The following DRD4 variants were observed in gnomAD, a reference collection of about 807,000 sequenced individuals.
DRD4 encodes dopamine receptor D4.
DRD4 carries 26 observed loss-of-function variants against 22.1 expected under a neutral mutation model. That is an observed-to-expected ratio of 1.17 (90% confidence interval 0.86 to 1.63). The LOEUF (loss-of-function observed/expected upper bound fraction) is 1.63, where lower values mean the gene tolerates loss of function less well. Ranked by LOEUF, DRD4 falls within the 40% of genes most tolerant of loss-of-function variation. The pLI is 0.00. For missense variants in DRD4, 913 were observed against 632.4 expected (o/e 1.44, Z -4.76); for synonymous variants, 455 against 306.7 (o/e 1.48, Z -5.05).
chr11:640,551 T>C lies in DRD4; in HGVS notation c.1208T>C (p.Phe403Ser). The C allele has an allele frequency of 1.9e-6, 3 of 1,600,236 alleles. No individual in the cohort carries two copies. Among genetic ancestry groups the C allele is most frequent in the Non-Finnish European group, 2.5e-6 (3 of 1,179,730 alleles). Residue 403 changes from phenylalanine (F) to serine (S), a missense_variant, in exon 4 of 4, where the codon TTC becomes TCC. By Grantham distance (155) the Phe-to-Ser change is radical (BLOSUM62 -2). Transcript: ENST00000176183. ...SALNPVIYTV[F>S]NAEFRNVFRK... ...CTCAACCCCGTCATCTACACTGTCT[T>C]CAACGCCGAGTTCCGCAACGTCTTC... is the stretch of plus-strand genomic sequence containing the variant.
Position 640,607 on chromosome 11 carries a change from GGGCACCC to G in DRD4, c.*5_*11del. 1 of 1,599,146 alleles carries G rather than the reference GGGCACCC, an allele frequency of 6.3e-7. No individual in the cohort carries two copies. The highest frequency in any genetic ancestry group is 8.5e-7 in the Non-Finnish European group (1 of 1,179,774). On this transcript the variant is annotated 3_prime_UTR_variant, in exon 4 of 4. Transcript: ENST00000176183. ...GGCCCTGCGTGCCTGCTGCTGAGCC[GGGCACCC>G]CCGGACGCCCCCCGGCCTGATGGCC...
chr11:640,691 C>A lies in DRD4; in HGVS notation c.*88C>A. On this transcript the variant is annotated 3_prime_UTR_variant, in exon 4 of 4. Coordinates refer to ENST00000176183, the MANE Select transcript of DRD4 (RefSeq NM_000797.4). The stretch of plus-strand genomic sequence containing the variant: ...AGGGCGCTTTTGTACGTTAATTAAA[C>A]AAATTCCTTCCCAAACTCAGCTGTG... 3 of 1,471,164 alleles carry A rather than the reference C, an allele frequency of 2.0e-6. No individual in the cohort carries two copies. The highest frequency in any genetic ancestry group is 2.8e-6 in the Non-Finnish European group (3 of 1,076,786). 91.1% of individuals were successfully genotyped at this position (1,471,164 alleles called of 1,614,324 possible).
At position 637,578 on chromosome 11, in the gene DRD4, G is replaced by A. The variant is rs747860016; in HGVS notation, c.274G>A (p.Val92Ile). ...LLALLVLPLF[V>I]YSEVQGGAWL... The stretch of plus-strand genomic sequence containing the variant: ...CGCTCTCCTGGTGCTGCCGCTCTTC[G>A]TCTACTCCGAGGTGAGCCGCGTCCG... The change falls in exon 1 of 4, where the codon GTC (valine) becomes ATC (isoleucine). Residue 92 changes from valine (V) to isoleucine (I), a missense_variant. Physicochemically the swap from Val to Ile is conservative, Grantham distance 29 (BLOSUM62 3). Coordinates refer to ENST00000176183, the MANE Select transcript of DRD4 (RefSeq NM_000797.4). The A allele has an allele frequency of 3.9e-6, 6 of 1,550,556 alleles. No individual in the cohort carries two copies. Among genetic ancestry groups the A allele is most frequent in the Admixed American group, 3.9e-5 (2 of 51,706 alleles).
chr11:640,683 T>A lies in DRD4; in HGVS notation c.*80T>A. ...AGATGGGGAGGGCGCTTTTGTACGT[T>A]AATTAAACAAATTCCTTCCCAAACT... On this transcript the variant is annotated 3_prime_UTR_variant, in exon 4 of 4. Transcript: ENST00000176183. The A allele has an allele frequency of 6.6e-7, 1 of 1,511,454 alleles. No individual in the cohort carries two copies. The allele number at this position is 1,511,454 out of a possible 1,614,324, so 93.6% of individuals were successfully genotyped here.
intron 1 of DRD4, among the ~76,000 whole-genome samples, chr11:638,053 C>A (rs947199702): frequency 3.3e-5 from 5 of 152,186 alleles, no homozygotes; most frequent in African/African-American, 9.7e-5. Context: ...TGCTGGCACA[C>A]CCCCAGAAGG....
intron 1 of DRD4, among the ~76,000 whole-genome samples, chr11:638,121 G>T (rs1397418378): frequency 1.1e-4 from 16 of 152,232 alleles, no homozygotes; most frequent in Non-Finnish European, 2.4e-4. Context: ...AGGGGAGGGT[G>T]TGTGGGGACC....
In DRD4 at chr11:639,788, G is replaced by T; in HGVS notation, c.539G>T (p.Arg180Leu). The T allele has an allele frequency of 6.3e-7, 1 of 1,579,150 alleles. No individual in the cohort carries two copies. Among genetic ancestry groups the T allele is most frequent in the Non-Finnish European group, 8.5e-7 (1 of 1,171,168 alleles). The change falls in exon 3 of 4, where the codon CGC (arginine) becomes CTC (leucine). Residue 180 changes from arginine to leucine, a missense_variant. Physicochemically the swap from Arg to Leu is moderately radical, Grantham distance 102. Coordinates refer to ENST00000176183, the MANE Select transcript of DRD4 (RefSeq NM_000797.4). ...VLCGLNDVRGRDPAVCRLEDR... is the reference protein window; with the variant it reads ...VLCGLNDVRGLDPAVCRLEDR... ...TGCGGCCTCAACGACGTGCGCGGCC[G>T]CGACCCCGCCGTGTGCCGCCTGGAG...
chr11:639,876 G>C lies in DRD4; in HGVS notation c.627G>C (p.Leu209=). The C allele has an allele frequency of 3.2e-6, 5 of 1,584,204 alleles. No homozygotes were observed. The highest frequency in any genetic ancestry group is 3.4e-6 in the Non-Finnish European group (4 of 1,173,000). The change falls in exon 3 of 4, where the codon CTG becomes CTC. Residue 209 remains leucine (L), a synonymous_variant. Transcript: ENST00000176183. ...CSFFLPCPLM[L]LLYWATFRGL... ...TCTTCCTACCCTGCCCGCTCATGCT[G>C]CTGCTCTACTGGGCCACGTTCCGCG...
chr11:639,347 C>T (rs1283044776), intron 1 of DRD4, 86 bp from the exon 2 acceptor site: 1 of 1,299,114 alleles, frequency 7.7e-7, no homozygotes, highest in African/African-American at 1.5e-5. Flanking sequence ...CCGTATTCAG[C>T]CCTGGAACTA....
At chr11:638,357 CAG>C (rs1446249816) in intron 1 of DRD4, among the ~76,000 whole-genome samples, 2 of 152,160 alleles carry the variant, frequency 1.3e-5, no homozygotes, top group African/African-American at 4.8e-5. Context: ...GCGGCTGGGG[CAG>C]AGACCAGCAG....
Position 639,599 on chromosome 11 carries a change from C to G in DRD4, c.399-49C>G, listed in dbSNP as rs1342048034. 3.8e-6 allele frequency: 5 copies of G among 1,303,360 alleles called. No homozygotes were observed. The African/African-American group carries it at 6.3e-5, about 16-fold the overall frequency. 80.7% of individuals were successfully genotyped at this position (1,303,360 alleles called of 1,614,324 possible). On this transcript the variant is annotated intron_variant, in intron 2 of 3. Coordinates refer to ENST00000176183, the MANE Select transcript of DRD4 (RefSeq NM_000797.4). Reference sequence around the variant, plus strand: ...GCGCCCCCGCGCCCCGCCCGCCGCCCTCACCGCGGCCTGTGCGCTGTCCGG... The same window carrying G: ...GCGCCCCCGCGCCCCGCCCGCCGCCGTCACCGCGGCCTGTGCGCTGTCCGG...
Position 639,837 on chromosome 11 carries a change from G to A in DRD4, c.588G>A (p.Ser196=). 1 of 1,586,248 alleles carries A rather than the reference G, an allele frequency of 6.3e-7. No homozygotes were observed. The highest frequency in any genetic ancestry group is 2.3e-5 in the East Asian group (1 of 44,182). The change falls in exon 3 of 4, where the codon TCG becomes TCA. Residue 196 remains serine (S), a synonymous_variant. Coordinates refer to ENST00000176183, the MANE Select transcript of DRD4 (RefSeq NM_000797.4). ...AGGACCGCGACTACGTGGTCTACTC[G>A]TCCGTGTGCTCCTTCTTCCTACCCT... ...RLEDRDYVVY[S]SVCSFFLPCP... is the part of the protein sequence containing the mutation.
intron 1 of DRD4, chr11:639,111 C>T (rs1439730180): frequency 1.9e-5 from 7 of 371,582 alleles, no homozygotes; most frequent in South Asian, 5.6e-5. Flanking sequence ...ACAAATCAGC[C>T]GGGGGTGGTG....
In DRD4 at chr11:640,183, C is replaced by G. The variant is rs780003868; in HGVS notation, c.934C>G (p.Pro312Ala). Reference sequence around the variant, plus strand: ...GGACCCCTGCGGCTCCAACTGTGCTCCCCCCGACGCCGTCAGAGCCGCCGC... The same window carrying G: ...GGACCCCTGCGGCTCCAACTGTGCTGCCCCCGACGCCGTCAGAGCCGCCGC... ...PPDPCGSNCA[P>A]PDAVRAAALP... The change falls in exon 3 of 4, where the codon CCC (proline) becomes GCC (alanine). Residue 312 changes from proline to alanine, a missense_variant. Transcript: ENST00000176183. 6.5e-7 allele frequency: 1 copy of G among 1,529,680 alleles called. No homozygotes were observed. The highest frequency in any genetic ancestry group is 8.7e-7 in the Non-Finnish European group (1 of 1,144,446). 94.8% of individuals were successfully genotyped at this position (1,529,680 alleles called of 1,614,324 possible).
At position 637,542 on chromosome 11, in the gene DRD4, G is replaced by C. The variant is rs773364032; in HGVS notation, c.238G>C (p.Asp80His). Residue 80 changes from aspartate (D) to histidine (H), a missense_variant, in exon 1 of 4, where the codon GAC becomes CAC. Transcript: ENST00000176183. ...NSFIVSLAAA[D>H]LLLALLVLPL... ...CTTCATCGTGAGCCTGGCGGCCGCC[G>C]ACCTCCTCCTCGCTCTCCTGGTGCT... 6.6e-7 allele frequency: 1 copy of C among 1,524,382 alleles called. No homozygotes were observed. Among genetic ancestry groups the C allele is most frequent in the African/African-American group, 1.4e-5 (1 of 73,798 alleles). The allele number at this position is 1,524,382 out of a possible 1,614,324, so 94.4% of individuals were successfully genotyped here.
chr11:638,161 C>T (rs1241051602), intron 1 of DRD4, among the ~76,000 whole-genome samples: 6 of 152,156 alleles, frequency 3.9e-5, no homozygotes, highest in Admixed American at 2.6e-4. Context: ...TGGGGGGAAG[C>T]CTGAGGGGGA....
rs199815231 is a variant in DRD4, at chr11:640,265, G to A, written c.1016G>A (p.Gly339Asp). The change falls in exon 3 of 4, where the codon GGC (glycine) becomes GAC (aspartate). Residue 339 changes from glycine (G) to aspartate (D), a missense_variant. By Grantham distance (94) the Gly-to-Asp change is moderately conservative (BLOSUM62 -1). Coordinates refer to ENST00000176183, the MANE Select transcript of DRD4 (RefSeq NM_000797.4). ...AGGAGGCGGCGTGCCAAGATCACCG[G>A]CCGGGAGCGCAAGGCCATGAGGGTC... ...TRRRRRAKITGRERKAMRVLP... is the reference protein window; with the variant it reads ...TRRRRRAKITDRERKAMRVLP... The A allele has an allele frequency of 1.7e-3, 2,612 of 1,533,904 alleles. 3 individuals carry two copies. The highest frequency in any genetic ancestry group is 3.4e-3 in the Middle Eastern group (15 of 4,412).
At chr11:638,726 A>AG (rs1490376217) in intron 1 of DRD4, among the ~76,000 whole-genome samples, 6 of 151,906 alleles carry the variant, frequency 3.9e-5, no homozygotes, top group East Asian at 3.9e-4. Context: ...CAGGCTGGGG[A>AG]GGGGCTCCCT....
At chr11:639,615 C>A in intron 2 of DRD4, 33 bp from the exon 3 acceptor site, 1 of 1,386,596 alleles carries the variant, frequency 7.2e-7, no homozygotes, top group South Asian at 1.5e-5. Context: ...GCGGCCTGTG[C>A]GCTGTCCGGC....
Sources: gnomAD v4.1 joint callset for allele counts (sites outside exome capture counted in the v4.1 genomes callset) on GRCh38, gnomAD v4.1.1 for gene constraint, MANE v1.5 for transcripts, NCBI Gene and HGNC (gene_info 2026-07-23, HGNC 2026-07-21) for gene names.